Variants in ERG observed in about 807,000 individuals in gnomAD.
The protein encoded by ERG is transcriptional regulator ERG.
A neutral mutation model predicts 55.3 loss-of-function variants in ERG; 9 were observed. The observed-to-expected ratio is 0.16, with a 90% CI of 0.10 to 0.28. ERG has a LOEUF of 0.28. Among genes scored for constraint, ERG ranks in the 10% least tolerant of loss-of-function variants. The pLI is 1.00. For synonymous variants in ERG, 223 were observed against 237.3 expected (o/e 0.94, Z 0.55); for missense variants, 434 against 631.6 (o/e 0.69, Z 3.35).
At chr21:38,598,947 A>G (rs939825354) in intron 1 of ERG, among the ~76,000 whole-genome samples, 2 of 152,266 alleles carry the variant, frequency 1.3e-5, no homozygotes, top group Admixed American at 1.3e-4. Flanking sequence ...TCTCCACCCC[A>G]GGGAAAGAAA....
chr21:38,556,453 T>C (rs1450184985), intron 2 of ERG, among the ~76,000 whole-genome samples: 2 of 152,168 alleles, frequency 1.3e-5, no homozygotes, highest in African/African-American at 4.8e-5. Context: ...TCTCTGGAGA[T>C]AGGAGGAGAT....
At chr21:38,493,726 C>G (rs2059356908) in intron 1 of ERG, among the ~76,000 whole-genome samples, 1 of 152,130 alleles carries the variant, frequency 6.6e-6, no homozygotes. Flanking sequence ...TCGGGCGACC[C>G]CTGGACGCTC....
chr21:38,453,567 C>A (rs770426789), intron 1 of ERG, among the ~76,000 whole-genome samples: 1 of 152,208 alleles, frequency 6.6e-6, no homozygotes, highest in Non-Finnish European at 1.5e-5. Context: ...ATGTGAATAG[C>A]TTCTTATTTT....
chr21:38,445,497 C>G lies in ERG; in HGVS notation c.143G>C (p.Ser48Thr). The G allele has an allele frequency of 6.2e-7, 1 of 1,614,136 alleles. No individual in the cohort carries two copies. Among genetic ancestry groups the G allele is most frequent in the Non-Finnish European group, 8.5e-7 (1 of 1,180,022 alleles). The change falls in exon 2 of 10, where the codon AGC (serine) becomes ACC (threonine). Residue 48 changes from serine to threonine, a missense_variant. Physicochemically the swap from Ser to Thr is moderately conservative, Grantham distance 58 (BLOSUM62 1). Around this residue, in one of 5 missense-constraint regions of ERG, gnomAD observed 212 missense variants for 262.9 expected, o/e 0.81. Coordinates refer to ENST00000288319, the MANE Select transcript of ERG (RefSeq NM_182918.4). ...CCAATCCTGCTGAGGGACGCGTGGG[C>G]TCATCTTGGAAGTCTGTCCATAGTC... ...SSDYGQTSKM[S>T]PRVPQQDWLS...
chr21:38,655,752 G>A (rs1230357146), intron 1 of ERG, among the ~76,000 whole-genome samples: 1 of 152,126 alleles, frequency 6.6e-6, no homozygotes, highest in Non-Finnish European at 1.5e-5. Context: ...AGTTTTGGGG[G>A]ACAACAACAT....
chr21:38,455,868 T>C lies in ERG; in HGVS notation c.19-10247A>G, dbSNP rs1172058491. ...TTAATTTTTTAAATAATTGGTACGG[T>C]CCCCCCCCTCCCCACAGACAGGTGT... On this transcript the variant is annotated intron_variant, in intron 1 of 9. Coordinates refer to ENST00000288319, the MANE Select transcript of ERG (RefSeq NM_182918.4). Among the ~76,000 whole-genome samples, 213 of 130,050 alleles carry C rather than the reference T, an allele frequency of 1.6e-3. 1 individual carries two copies. The highest frequency in any genetic ancestry group is 2.2e-3 in the South Asian group (8 of 3,612). The allele number at this position is 130,050 out of a possible 152,430, so 85.3% of individuals were successfully genotyped here.
intron 1 of ERG, among the ~76,000 whole-genome samples, chr21:38,579,096 C>T (rs2060012503): frequency 1.3e-5 from 2 of 152,120 alleles, no homozygotes; most frequent in South Asian, 4.1e-4. Flanking sequence ...ATGGGATTCC[C>T]AGAGCCCTTC....
chr21:38,379,257 G>GT (rs1987323229), downstream of ERG, among the ~76,000 whole-genome samples: 1 of 152,230 alleles, frequency 6.6e-6, no homozygotes, highest in Non-Finnish European at 1.5e-5. Flanking sequence ...TCTGAGTAAA[G>GT]TATGACCAAG....
chr21:38,610,847 C>T (rs777296136), intron 1 of ERG, among the ~76,000 whole-genome samples: 2 of 152,202 alleles, frequency 1.3e-5, no homozygotes, highest in Non-Finnish European at 1.5e-5. Context: ...ACTGCTTCAC[C>T]GCACTGGCCA....
the ERG span, among the ~76,000 whole-genome samples, chr21:38,371,535 TTAAAGAAGTCA>T: frequency 6.6e-6 from 1 of 152,082 alleles, no homozygotes; most frequent in Non-Finnish European, 1.5e-5. Context: ...TATTATCAAG[TTAAAGAAGTCA>T]TATTCTTTTC....
At chr21:38,510,521 T>C (rs1183639059) in intron 2 of ERG, among the ~76,000 whole-genome samples, 4 of 152,226 alleles carry the variant, frequency 2.6e-5, no homozygotes, top group Admixed American at 1.3e-4. Flanking sequence ...AATCTGTAAA[T>C]TGGAGTTGAA....
chr21:38,651,037 T>C (rs538816063), intron 1 of ERG, among the ~76,000 whole-genome samples: 9 of 152,270 alleles, frequency 5.9e-5, no homozygotes, highest in Non-Finnish European at 8.8e-5. Context: ...GATATTCAAA[T>C]AGCATTTTTA....
At chr21:38,461,228 A>G (rs564966271) in intron 1 of ERG, among the ~76,000 whole-genome samples, 1 of 152,158 alleles carries the variant, frequency 6.6e-6, no homozygotes, top group African/African-American at 2.4e-5. Context: ...TAGCTTGTGG[A>G]TGGTCATCTT....
chr21:38,392,266 A>G lies in ERG; in HGVS notation c.814+110T>C, dbSNP rs58578121. 1.6e-3 allele frequency: 1,511 copies of G among 924,694 alleles called. 14 individuals carry two copies. In the African/African-American group the frequency reaches 0.022, roughly 13 times the overall value. 57.3% of individuals were successfully genotyped at this position (924,694 alleles called of 1,614,324 possible). Reference sequence around the variant, plus strand: ...CTCTTGTCGTCAATGGAACAAACCCATCACATGTTGCAAAATCACAGATTA... The same window carrying G: ...CTCTTGTCGTCAATGGAACAAACCCGTCACATGTTGCAAAATCACAGATTA... On this transcript the variant is annotated intron_variant, in intron 7 of 9. Coordinates refer to ENST00000288319, the MANE Select transcript of ERG (RefSeq NM_182918.4).
chr21:38,566,209 G>T (rs1308102232), intron 2 of ERG, among the ~76,000 whole-genome samples: 1 of 152,148 alleles, frequency 6.6e-6, no homozygotes, highest in Non-Finnish European at 1.5e-5. Flanking sequence ...GGAAAAGAAG[G>T]TGAAGATTAA....
At chr21:38,377,054 C>T (rs2836350), downstream of ERG, among the ~76,000 whole-genome samples, 8,250 of 152,224 alleles carry the variant, frequency 0.054, 529 homozygotes, top group East Asian at 0.15. Flanking sequence ...ATTCCAATTT[C>T]AAGTCCTGAA....
intron 2 of ERG, among the ~76,000 whole-genome samples, chr21:38,533,134 A>G (rs1022475285): frequency 2.6e-5 from 4 of 152,228 alleles, no homozygotes; most frequent in African/African-American, 9.6e-5. Context: ...CCCAGGGCTA[A>G]CACCCAAATG....
chr21:38,645,350 C>T (rs2060449498), intron 1 of ERG, among the ~76,000 whole-genome samples: 2 of 152,146 alleles, frequency 1.3e-5, no homozygotes, highest in Admixed American at 1.3e-4. Flanking sequence ...AAATAGGTTT[C>T]ATATACATAA....
In ERG at chr21:38,490,581, G is replaced by A. The variant is rs528282614; in HGVS notation, c.18+7782C>T. 2.4e-3 allele frequency among the ~76,000 whole-genome samples: 373 copies of A among 152,278 alleles called. 1 individual carries two copies. The highest frequency in any genetic ancestry group is 8.5e-3 in the African/African-American group (353 of 41,560). Reference sequence around the variant, plus strand: ...AGCCCATTTCCCCTGCCCACTGCACGAGACCCCTCCCCGGTTTGAAGATCC... The same window carrying A: ...AGCCCATTTCCCCTGCCCACTGCACAAGACCCCTCCCCGGTTTGAAGATCC... On this transcript the variant is annotated intron_variant, in intron 1 of 9. Coordinates refer to ENST00000288319, the MANE Select transcript of ERG (RefSeq NM_182918.4).
Sources: gnomAD v4.1 joint callset for allele counts (sites outside exome capture counted in the v4.1 genomes callset) on GRCh38, gnomAD v4.1.1 for gene constraint, gnomAD v4.1.1 regional missense constraint, MANE v1.5 for transcripts, NCBI Gene and HGNC (gene_info 2026-07-23, HGNC 2026-07-21) for gene names.